Variants in CTBP2 observed in about 807,000 individuals in gnomAD.
CTBP2 encodes the protein C-terminal binding protein 2.
CTBP2 carries 30 observed loss-of-function variants against 80.3 expected under a neutral mutation model. That is an observed-to-expected ratio of 0.37 (90% CI 0.28 to 0.51). CTBP2 has a LOEUF of 0.51. Ranked by LOEUF, CTBP2 falls within the 20% of genes least tolerant of loss-of-function variation. CTBP2 has a pLI of 0.93. For synonymous variants in CTBP2, 594 were observed against 587.4 expected (o/e 1.01, Z -0.16); for missense variants, 1,212 against 1,375.3 (o/e 0.88, Z 1.88).
In CTBP2 at chr10:125,027,732, T is replaced by A; in HGVS notation, c.28A>T (p.Ile10Phe). ...GCATCCCAGCTCTGAGAACGACCAATATTTATATGCCTGCTGGGAACTGGC... is the reference window on the plus strand; with the variant it reads ...GCATCCCAGCTCTGAGAACGACCAAAATTTATATGCCTGCTGGGAACTGGC... The change falls in exon 1 of 9, where the codon ATT (isoleucine) becomes TTT (phenylalanine). Residue 10 changes from isoleucine (I) to phenylalanine (F), a missense_variant. Ile to Phe is a conservative substitution (Grantham distance 21). This residue lies in a region of CTBP2 where 848 missense variants were observed against 782.3 expected (regional missense o/e 1.08). Coordinates refer to ENST00000309035, the MANE Select transcript of CTBP2 (RefSeq NM_022802.3). 6.2e-7 allele frequency: 1 copy of A among 1,604,308 alleles called. No homozygotes were observed. Among genetic ancestry groups the A allele is most frequent in the South Asian group, 1.1e-5 (1 of 90,624 alleles).
chr10:125,126,945 T>TCTCTA (rs1279351840), intron 1 of CTBP2, among the ~76,000 whole-genome samples: 1 of 151,682 alleles, frequency 6.6e-6, no homozygotes, highest in Non-Finnish European at 1.5e-5. Flanking sequence ...TCTCTCTCTC[T>TCTCTA]CTCTACTCTA....
intron 2 of CTBP2, among the ~76,000 whole-genome samples, chr10:125,097,684 CACACGTGTGAGCATGT>C (rs1263847371): frequency 1.3e-5 from 2 of 150,836 alleles, no homozygotes; most frequent in African/African-American, 2.4e-5. Flanking sequence ...TGTGAGCATG[CACACGTGTGAGCATGT>C]ACATGTGCCT....
In CTBP2 at chr10:124,989,578, C is replaced by T. The variant is rs76963654; in HGVS notation, c.2898G>A (p.Ala966=). The T allele has an allele frequency of 9.0e-5, 145 of 1,613,380 alleles. No individual in the cohort carries two copies. The East Asian group carries it at 2.0e-3, about 23-fold the overall frequency. ...GTTTTGTGGGCTGGTTGGGAGAGGG[C>T]GCTTGGGAAGGATGTGCCACTGTCG... Residue 966 remains alanine (A), a synonymous_variant, in exon 9 of 9, where the codon GCG becomes GCA. Transcript: ENST00000309035.
chr10:125,106,949 G>A (rs1449714196), intron 2 of CTBP2, among the ~76,000 whole-genome samples: 2 of 152,242 alleles, frequency 1.3e-5, no homozygotes, highest in Non-Finnish European at 1.5e-5. Context: ...GAAGGGGAAT[G>A]GACGGGGTGA....
intron 1 of CTBP2, among the ~76,000 whole-genome samples, chr10:125,147,898 C>T (rs1323217382): frequency 4.0e-5 from 6 of 151,004 alleles, no homozygotes; most frequent in Non-Finnish European, 8.8e-5. Flanking sequence ...ACCCCCATCT[C>T]GGGAAAAAAA....
intron 3 of CTBP2, 115 bp from the exon 6 acceptor site, chr10:124,998,285 C>T (rs1953936389): frequency 1.7e-6 from 2 of 1,210,854 alleles, no homozygotes; most frequent in South Asian, 1.5e-5. Context: ...GGGAGGCCCA[C>T]CTTATCGTCT....
At chr10:125,059,257 G>T (rs1302617015) in intron 2 of CTBP2, among the ~76,000 whole-genome samples, 1 of 152,148 alleles carries the variant, frequency 6.6e-6, no homozygotes, top group Non-Finnish European at 1.5e-5. Flanking sequence ...AGGTACGTGA[G>T]GGGTAAGACA....
intron 1 of CTBP2, among the ~76,000 whole-genome samples, chr10:125,011,324 A>G (rs1019980740): frequency 4.6e-5 from 7 of 152,258 alleles, no homozygotes; most frequent in Admixed American, 4.6e-4. Flanking sequence ...TATCTGAATG[A>G]GTCACGATGT....
intron 2 of CTBP2, among the ~76,000 whole-genome samples, chr10:125,085,513 A>G (rs1847846137): frequency 1.3e-5 from 2 of 152,222 alleles, no homozygotes; most frequent in South Asian, 4.1e-4. Flanking sequence ...TAAAGATCCT[A>G]TTAACCAGAG....
chr10:125,157,494 G>A (rs1861136459), intron 1 of CTBP2, among the ~76,000 whole-genome samples: 1 of 151,790 alleles, frequency 6.6e-6, no homozygotes, highest in African/African-American at 2.4e-5. Flanking sequence ...TTCAAAACAA[G>A]CTCCAAACCC....
chr10:125,065,511 G>A (rs1000538624), intron 2 of CTBP2, among the ~76,000 whole-genome samples: 4 of 152,280 alleles, frequency 2.6e-5, no homozygotes, highest in East Asian at 3.9e-4. Flanking sequence ...GGCAGGATCC[G>A]GCTAACAAAT....
At chr10:125,098,034 C>G (rs1425692066) in intron 2 of CTBP2, among the ~76,000 whole-genome samples, 1 of 152,110 alleles carries the variant, frequency 6.6e-6, no homozygotes, top group East Asian at 1.9e-4. Context: ...GGCAGGAGAA[C>G]TGCTTGAACC....
At chr10:125,151,292 T>G (rs1248413456) in intron 1 of CTBP2, among the ~76,000 whole-genome samples, 1 of 152,102 alleles carries the variant, frequency 6.6e-6, no homozygotes. Context: ...TCTAGTCACA[T>G]GCCTCGCCAG....
At chr10:125,121,596 ACT>A (rs1398008450) in intron 1 of CTBP2, among the ~76,000 whole-genome samples, 1 of 152,246 alleles carries the variant, frequency 6.6e-6, no homozygotes, top group Admixed American at 6.5e-5. Flanking sequence ...ATATGAAGAA[ACT>A]CTGCAAACAC....
chr10:125,073,080 C>T (rs1470231524), intron 2 of CTBP2, among the ~76,000 whole-genome samples: 2 of 152,248 alleles, frequency 1.3e-5, no homozygotes, highest in Non-Finnish European at 2.9e-5. Context: ...CACGCCGGCT[C>T]GCCCAAGTCT....
intron 3 of CTBP2, chr10:124,998,603 T>C (rs1314883797): frequency 9.1e-6 from 2 of 220,024 alleles, no homozygotes; most frequent in Admixed American, 1.0e-4. Context: ...TGACAAAGAA[T>C]GGCTTTTGGT....
chr10:124,984,708 TCA>T lies in CTBP2; in HGVS notation c.*4808_*4809del, dbSNP rs1206663593. 38 of 1,518,130 alleles carry T rather than the reference TCA, an allele frequency of 2.5e-5. No individual in the cohort carries two copies. Among genetic ancestry groups the T allele is most frequent in the Non-Finnish European group, 3.2e-5 (36 of 1,114,782 alleles). The allele number at this position is 1,518,130 out of a possible 1,614,324, so 94.0% of individuals were successfully genotyped here. ...AGCATACCAGCTGTAGGTTTCCATG[TCA>T]CATTCCTACCAAGTCTCTGATCTGT... is the stretch of plus-strand genomic sequence containing the variant. On this transcript the variant is annotated 3_prime_UTR_variant, in exon 9 of 9. Transcript: ENST00000309035.
At chr10:125,050,253 G>C (rs1962397637) in intron 2 of CTBP2, among the ~76,000 whole-genome samples, 1 of 152,184 alleles carries the variant, frequency 6.6e-6, no homozygotes, top group African/African-American at 2.4e-5. Context: ...TCCTGCGACA[G>C]GTCGTGGAAA....
intron 1 of CTBP2, among the ~76,000 whole-genome samples, chr10:125,142,363 C>T (rs1857981557): frequency 6.6e-6 from 1 of 152,146 alleles, no homozygotes; most frequent in Non-Finnish European, 1.5e-5. Context: ...TACAAATGTC[C>T]TGGAAATTAC....
Sources: gnomAD v4.1 joint callset for allele counts (sites outside exome capture counted in the v4.1 genomes callset) on GRCh38, gnomAD v4.1.1 for gene constraint, gnomAD v4.1.1 regional missense constraint, MANE v1.5 for transcripts, NCBI Gene and HGNC (gene_info 2026-07-23, HGNC 2026-07-21) for gene names.